ADCK1: variants seen among roughly 807,000 people sequenced by gnomAD.
The protein encoded by ADCK1 is aarF domain containing kinase 1.
ADCK1 carries 41 observed loss-of-function variants against 52.3 expected under a neutral mutation model. That is an observed-to-expected ratio of 0.78 (90% CI 0.61 to 1.02). ADCK1 has a LOEUF of 1.02. Ranked by LOEUF, ADCK1 falls within the 50% of genes least tolerant of loss-of-function variation. ADCK1 has a pLI of 0.00. For synonymous variants in ADCK1, 250 were observed against 274.6 expected, an observed-to-expected ratio of 0.91 and a Z score of 0.89; for missense variants, 658 against 679.5, an observed-to-expected ratio of 0.97 and a Z score of 0.35.
chr14:77,858,702 G>A (rs1356922322), intron 3 of ADCK1, among the ~76,000 whole-genome samples: 3 of 152,162 alleles, frequency 2.0e-5, no homozygotes, highest in Non-Finnish European at 4.4e-5. Context: ...ATGTCTGAGG[G>A]GTGGGTGGCA....
chr14:77,904,785 C>T lies in ADCK1; in HGVS notation c.742-3018C>T, dbSNP rs531442018. On this transcript the variant is annotated intron_variant, in intron 6 of 10. Transcript: ENST00000238561. The stretch of plus-strand genomic sequence containing the variant: ...CAGGGTGTGACCCTGCTGGTGGGGC[C>T]GCTGAGCACCCTGGCCATGAGCTCC... 1.2e-3 allele frequency among the ~76,000 whole-genome samples: 176 copies of T among 152,088 alleles called. 1 individual carries two copies. Among genetic ancestry groups the T allele is most frequent in the Non-Finnish European group, 2.1e-3 (141 of 67,988 alleles).
intron 5 of ADCK1, among the ~76,000 whole-genome samples, chr14:77,892,406 T>G (rs1203147234): frequency 1.3e-5 from 2 of 152,198 alleles, no homozygotes; most frequent in African/African-American, 4.8e-5. Flanking sequence ...GTGGTATAGC[T>G]AATACTAACC....
rs1206183776 is a variant in ADCK1, at chr14:77,925,775, A to C, written c.1020A>C (p.Glu340Asp). 6.2e-7 allele frequency: 1 copy of C among 1,613,982 alleles called. No individual in the cohort carries two copies. Among genetic ancestry groups the C allele is most frequent in the Non-Finnish European group, 8.5e-7 (1 of 1,179,928 alleles). ...CGCCTCCACCCTAGATGCTCACGGA[A>C]GAATTCCGCCTGAATTACTGCCACC... ...LDHGLYQMLT[E>D]EFRLNYCHLW... The change falls in exon 9 of 11, where the codon GAA (glutamate) becomes GAC (aspartate). Residue 340 changes from glutamate (E) to aspartate (D), a missense_variant. Physicochemically the swap from Glu to Asp is conservative, Grantham distance 45. Coordinates refer to ENST00000238561, the MANE Select transcript of ADCK1 (RefSeq NM_020421.4).
At position 77,920,966 on chromosome 14, in the gene ADCK1, A is replaced by G. The variant is rs373051825; in HGVS notation, c.859-3491A>G. 1.3e-4 allele frequency among the ~76,000 whole-genome samples: 20 copies of G among 152,074 alleles called. No individual in the cohort carries two copies. In the East Asian group the frequency reaches 1.6e-3, roughly 12 times the overall value. On this transcript the variant is annotated intron_variant, in intron 7 of 10. Transcript: ENST00000238561. ...TGCCTGGCACACATTCTATATTTAT[A>G]TGAGCCGTGCTTTAAACTTTGAAAA...
rs1243387932 is a variant in ADCK1 at position 77,872,431 on chromosome 14, G to A, written c.423+13152G>A. Among the ~76,000 whole-genome samples, 4 of 152,148 alleles carry A rather than the reference G, an allele frequency of 2.6e-5. 1 individual carries two copies. The East Asian group carries it at 5.8e-4, about 22-fold the overall frequency. ...GACCGCACATCTTGCCTTCCGCTCCGGGCTGGCCTCTGACCTGTGTTCCCT... is the reference window on the plus strand; with the variant it reads ...GACCGCACATCTTGCCTTCCGCTCCAGGCTGGCCTCTGACCTGTGTTCCCT... On this transcript the variant is annotated intron_variant, in intron 4 of 10. Coordinates refer to ENST00000238561, the MANE Select transcript of ADCK1 (RefSeq NM_020421.4).
chr14:77,872,602 C>T (rs1220501084), intron 4 of ADCK1, among the ~76,000 whole-genome samples: 1 of 151,982 alleles, frequency 6.6e-6, no homozygotes, highest in Non-Finnish European at 1.5e-5. Context: ...GTGGGGGTGC[C>T]CTCTTGCTCT....
chr14:77,892,215 C>T (rs17106552), intron 5 of ADCK1, among the ~76,000 whole-genome samples: 11,384 of 152,108 alleles, frequency 0.075, 545 homozygotes, highest in South Asian at 0.16. Flanking sequence ...ATAGGCTTAA[C>T]CTCTTTATAT....
intron 3 of ADCK1, among the ~76,000 whole-genome samples, chr14:77,838,426 C>T (rs1000906763): frequency 1.3e-5 from 2 of 152,138 alleles, no homozygotes; most frequent in African/African-American, 4.8e-5. Context: ...GACAGGGTGT[C>T]ACTCTTGTCG....
At chr14:77,846,645 A>G (rs2082178394) in intron 3 of ADCK1, among the ~76,000 whole-genome samples, 1 of 152,204 alleles carries the variant, frequency 6.6e-6, no homozygotes, top group South Asian at 2.1e-4. Flanking sequence ...TGATCTGCCC[A>G]GCTGATCCCT....
intron 1 of ADCK1, among the ~76,000 whole-genome samples, chr14:77,801,848 G>GGA (rs2081116951): frequency 1.3e-5 from 2 of 152,128 alleles, no homozygotes; most frequent in African/African-American, 2.4e-5. Flanking sequence ...AGGCTGAGGA[G>GGA]GAGAACAGCT....
chr14:77,862,947 A>G (rs973549968), intron 4 of ADCK1, among the ~76,000 whole-genome samples: 1 of 152,130 alleles, frequency 6.6e-6, no homozygotes, highest in African/African-American at 2.4e-5. Flanking sequence ...CCCCTTAGAG[A>G]TGGATGGAAT....
At chr14:77,824,336 C>G (rs536878399) in intron 3 of ADCK1, among the ~76,000 whole-genome samples, 40 of 152,200 alleles carry the variant, frequency 2.6e-4, no homozygotes, top group Non-Finnish European at 5.6e-4. Context: ...CATGATCATA[C>G]CTAACAAAAC....
chr14:77,860,038 G>A (rs1387273152), intron 4 of ADCK1, among the ~76,000 whole-genome samples: 1 of 152,108 alleles, frequency 6.6e-6, no homozygotes. Context: ...CTGCCTATCT[G>A]TCCACCCAGC....
At chr14:77,855,876 C>G (rs1347785824) in intron 3 of ADCK1, among the ~76,000 whole-genome samples, 1 of 152,096 alleles carries the variant, frequency 6.6e-6, no homozygotes, top group Admixed American at 6.6e-5. Flanking sequence ...AAAATTTCCC[C>G]CATTATCATA....
chr14:77,819,306 A>G (rs2081532253), intron 2 of ADCK1, among the ~76,000 whole-genome samples, 193 bp downstream of exon 2: 1 of 152,212 alleles, frequency 6.6e-6, no homozygotes, highest in Non-Finnish European at 1.5e-5. Context: ...CTGAACACAC[A>G]ACCTCATATT....
At chr14:77,803,308 T>G (rs190636379) in intron 1 of ADCK1, among the ~76,000 whole-genome samples, 2 of 152,262 alleles carry the variant, frequency 1.3e-5, no homozygotes, top group East Asian at 3.9e-4. Context: ...GTGCCTTTTC[T>G]CTGTGGTAAT....
chr14:77,925,407 A>G (rs1471340685), intron 8 of ADCK1, among the ~76,000 whole-genome samples: 1 of 152,200 alleles, frequency 6.6e-6, no homozygotes, highest in East Asian at 1.9e-4. Flanking sequence ...TGCAGGGGAA[A>G]GTTTCTGTGG....
intron 5 of ADCK1, among the ~76,000 whole-genome samples, chr14:77,895,796 G>A (rs1056789859): frequency 6.6e-6 from 1 of 152,138 alleles, no homozygotes; most frequent in Non-Finnish European, 1.5e-5. Context: ...ATTTCAAGGG[G>A]TTGGTGAACC....
intron 1 of ADCK1, among the ~76,000 whole-genome samples, chr14:77,803,999 G>C (rs2081167002): frequency 6.6e-6 from 1 of 152,174 alleles, no homozygotes; most frequent in African/African-American, 2.4e-5. Context: ...TTTATACCTG[G>C]GGATGGTAAT....
Sources: allele counts gnomAD v4.1 joint callset (sites outside exome capture counted in the v4.1 genomes callset), GRCh38; gene constraint gnomAD v4.1.1; transcripts MANE v1.5; gene names NCBI Gene and HGNC (gene_info 2026-07-23, HGNC 2026-07-21).